Variants in TMEM26 observed in about 807,000 individuals in gnomAD.
TMEM26 encodes transmembrane protein 26.
In TMEM26, 38 loss-of-function variants were observed where a neutral mutation model predicts 28.8. The observed-to-expected ratio is 1.32, with a 90% confidence interval of 1.02 to 1.73. The LOEUF (loss-of-function observed/expected upper bound fraction) is 1.73. Ranked by LOEUF, TMEM26 falls within the 40% of genes most tolerant of loss-of-function variation. The probability of loss-of-function intolerance (pLI) is 0.00; values close to 1 mark genes in which losing one functional copy is unlikely to be tolerated. For synonymous variants in TMEM26, 227 were observed against 182.9 expected, an observed-to-expected ratio of 1.24 and a Z score of -1.95; for missense variants, 518 against 447.1, an observed-to-expected ratio of 1.16 and a Z score of -1.43.
At chr10:61,431,697 G>T (rs1399855576) in intron 2 of TMEM26, among the ~76,000 whole-genome samples, 3 of 151,614 alleles carry the variant, frequency 2.0e-5, no homozygotes, top group African/African-American at 7.3e-5. Context: ...ATATGATCCT[G>T]GTCAAGGAAA....
intron 1 of TMEM26, among the ~76,000 whole-genome samples, chr10:61,444,809 G>A (rs967830238): frequency 3.9e-5 from 6 of 152,050 alleles, no homozygotes; most frequent in African/African-American, 1.4e-4. Context: ...GGATTACCAA[G>A]CTTTCCATCC....
chr10:61,440,076 C>G (rs150797742), intron 1 of TMEM26, among the ~76,000 whole-genome samples: 1 of 152,000 alleles, frequency 6.6e-6, no homozygotes, highest in African/African-American at 2.4e-5. Flanking sequence ...CCCATCTCTA[C>G]TAAAAATACA....
intron 1 of TMEM26, among the ~76,000 whole-genome samples, chr10:61,440,239 CA>C (rs1274556089): frequency 6.6e-6 from 1 of 150,420 alleles, no homozygotes; most frequent in African/African-American, 2.4e-5. Flanking sequence ...GACTCTGACT[CA>C]AAAAAAAGCA....
chr10:61,436,160 AAAG>A lies in TMEM26; in HGVS notation c.270+7_270+9del, dbSNP rs1840002653. The stretch of plus-strand genomic sequence containing the variant: ...GAATAGGTCAATTCCTACTTTCCAA[AAAG>A]AAGTACCTGGGTCTCATGGTGCAAT... On this transcript the variant is annotated splice_region_variant and intron_variant, in intron 2 of 5. Transcript: ENST00000399298. 1 of 1,573,928 alleles carries A rather than the reference AAAG, an allele frequency of 6.4e-7. No homozygotes were observed. Among genetic ancestry groups the A allele is most frequent in the Non-Finnish European group, 8.7e-7 (1 of 1,148,708 alleles).
chr10:61,453,366 G>T lies in TMEM26; in HGVS notation c.-285C>A, dbSNP rs1589050801. 4 of 344,512 alleles carry T rather than the reference G, an allele frequency of 1.2e-5. No individual in the cohort carries two copies. In the South Asian group the frequency reaches 1.7e-4, roughly 15 times the overall value. The allele number at this position is 344,512 out of a possible 1,614,324, so 21.3% of individuals were successfully genotyped here. On this transcript the variant is annotated 5_prime_UTR_variant, in exon 1 of 6. Coordinates refer to ENST00000399298, the MANE Select transcript of TMEM26 (RefSeq NM_178505.8). ...GGCTGCGCTGCCCTGTCTCCAGGGC[G>T]TTATTCTCCAGCGCTGCCCATCCCC...
At chr10:61,417,799 T>A (rs1839678435) in intron 4 of TMEM26, among the ~76,000 whole-genome samples, 1 of 152,008 alleles carries the variant, frequency 6.6e-6, no homozygotes, top group African/African-American at 2.4e-5. Context: ...TCCGTGGCAA[T>A]GATGTTGAAA....
At chr10:61,434,708 A>ATTTTCCC (rs1344114225) in intron 2 of TMEM26, among the ~76,000 whole-genome samples, 1 of 152,342 alleles carries the variant, frequency 6.6e-6, no homozygotes, top group Admixed American at 6.5e-5. Context: ...AAAATGTTTT[A>ATTTTCCC]TTCATCCCTA....
At chr10:61,419,609 G>T (rs1049151137) in intron 4 of TMEM26, among the ~76,000 whole-genome samples, 2 of 151,958 alleles carry the variant, frequency 1.3e-5, no homozygotes, top group African/African-American at 4.8e-5. Context: ...CAGTGACCTA[G>T]AAGATAGATC....
Position 61,408,122 on chromosome 10 carries a change from T to C in TMEM26, c.*2200A>G, listed in dbSNP as rs939325189. On this transcript the variant is annotated 3_prime_UTR_variant, in exon 6 of 6. Transcript: ENST00000399298. Reference sequence around the variant, plus strand: ...AGCCAGTATAAGAGAGTAGGAGTACTGGCAGCTAGGTTAACAAATGCTGCC... The same window carrying C: ...AGCCAGTATAAGAGAGTAGGAGTACCGGCAGCTAGGTTAACAAATGCTGCC... 1.3e-5 allele frequency: 2 copies of C among 152,190 alleles called. No individual in the cohort carries two copies. Among genetic ancestry groups the C allele is most frequent in the African/African-American group, 4.8e-5 (2 of 41,448 alleles). The allele number at this position is 152,190 out of a possible 1,614,324, so 9.4% of individuals were successfully genotyped here. A position where few individuals can be genotyped will look rare whatever the true frequency, so the allele number is the denominator to read the frequency against.
At chr10:61,430,944 C>A (rs578097652) in intron 3 of TMEM26, among the ~76,000 whole-genome samples, 2 of 152,078 alleles carry the variant, frequency 1.3e-5, no homozygotes, top group South Asian at 4.2e-4. Context: ...ATGTATATGT[C>A]TCTCAATGTG....
chr10:61,442,043 TTTA>T (rs1840103323), intron 1 of TMEM26, among the ~76,000 whole-genome samples: 1 of 125,328 alleles, frequency 8.0e-6, no homozygotes, highest in South Asian at 2.1e-4. Context: ...TTTGTTTTGT[TTTA>T]TTTGTTTATG....
intron 1 of TMEM26, among the ~76,000 whole-genome samples, chr10:61,447,584 A>G (rs567215906): frequency 2.6e-5 from 4 of 152,332 alleles, no homozygotes; most frequent in African/African-American, 9.6e-5. Context: ...TTTAAAATGA[A>G]GTATTGTAAA....
chr10:61,434,506 C>T lies in TMEM26; in HGVS notation c.270+1664G>A, dbSNP rs1172950205. On this transcript the variant is annotated intron_variant, in intron 2 of 5. Coordinates refer to ENST00000399298, the MANE Select transcript of TMEM26 (RefSeq NM_178505.8). ...AACATGAAAGAATTGATTCAAATCA[C>T]TAGAGCTTATATTCATACCCTTGAA... Among the ~76,000 whole-genome samples, 2 of 152,284 alleles carry T rather than the reference C, an allele frequency of 1.3e-5. 1 individual carries two copies. Among genetic ancestry groups the T allele is most frequent in the South Asian group, 4.1e-4 (2 of 4,830 alleles).
chr10:61,417,495 C>T (rs1462245443), intron 4 of TMEM26, among the ~76,000 whole-genome samples: 6 of 143,908 alleles, frequency 4.2e-5, no homozygotes, highest in African/African-American at 1.3e-4. Flanking sequence ...CAAATACCAC[C>T]AGAAAAGGAA....
At chr10:61,435,865 C>T (rs919130395) in intron 2 of TMEM26, among the ~76,000 whole-genome samples, 3 of 152,160 alleles carry the variant, frequency 2.0e-5, no homozygotes, top group African/African-American at 7.2e-5. Flanking sequence ...AATTTCCACA[C>T]CCCCATGTAA....
At chr10:61,434,409 A>T (rs1395177908) in intron 2 of TMEM26, among the ~76,000 whole-genome samples, 1 of 152,222 alleles carries the variant, frequency 6.6e-6, no homozygotes, top group Non-Finnish European at 1.5e-5. Flanking sequence ...ACAAATTTAT[A>T]TTATAAAAGC....
chr10:61,416,133 A>C (rs1178974572), intron 4 of TMEM26: 4 of 448,732 alleles, frequency 8.9e-6, no homozygotes, highest in African/African-American at 2.0e-5. Flanking sequence ...CCTGCAGAAA[A>C]AGTTGTTGAG....
chr10:61,414,506 A>G (rs888295234), intron 4 of TMEM26: 7 of 152,054 alleles, frequency 4.6e-5, no homozygotes, highest in Non-Finnish European at 7.4e-5. Flanking sequence ...TACAAAATTA[A>G]ATCTCAAAAC....
intron 1 of TMEM26, among the ~76,000 whole-genome samples, chr10:61,438,972 A>T (rs539691042): frequency 7.2e-5 from 11 of 152,190 alleles, no homozygotes; most frequent in Non-Finnish European, 1.5e-4. Context: ...GGGCCCAAGA[A>T]TTAATTATAT....
Sources: gnomAD v4.1 joint callset for allele counts (sites outside exome capture counted in the v4.1 genomes callset) on GRCh38, gnomAD v4.1.1 for gene constraint, MANE v1.5 for transcripts, NCBI Gene and HGNC (gene_info 2026-07-23, HGNC 2026-07-21) for gene names.